CEP85L: variants seen among roughly 807,000 people sequenced by gnomAD.
CEP85L encodes the protein centrosomal protein of 85 kDa-like.
A neutral mutation model predicts 100.3 loss-of-function variants in CEP85L; 60 were observed. The ratio of observed to expected loss-of-function variants is 0.60; its 90% CI spans 0.49 to 0.74. The LOEUF (loss-of-function observed/expected upper bound fraction) is 0.74. Among genes scored for constraint, CEP85L ranks in the 30% least tolerant of loss-of-function variants. The pLI, the probability that CEP85L is intolerant of heterozygous loss-of-function variation, is 0.00. For synonymous variants in CEP85L, 319 were observed against 322.7 expected (o/e 0.99, Z 0.12); for missense variants, 973 against 936.2 (o/e 1.04, Z -0.51).
intron 1 of CEP85L, among the ~76,000 whole-genome samples, chr6:118,673,218 A>G (rs1044873727): frequency 2.0e-5 from 3 of 152,250 alleles, no homozygotes; most frequent in African/African-American, 7.2e-5. Flanking sequence ...AAAAGCAAAG[A>G]ATAATCAATA....
intron 3 of CEP85L, among the ~76,000 whole-genome samples, chr6:118,556,450 A>G (rs1778881918): frequency 6.6e-6 from 1 of 152,178 alleles, no homozygotes; most frequent in Non-Finnish European, 1.5e-5. Flanking sequence ...AATAGACCCA[A>G]GTTGAACACT....
intron 2 of CEP85L, among the ~76,000 whole-genome samples, chr6:118,592,320 C>G (rs1484832763): frequency 6.8e-6 from 1 of 148,050 alleles, no homozygotes; most frequent in South Asian, 2.1e-4. Flanking sequence ...ACATTAACAT[C>G]CTCTAGGTCT....
intron 2 of CEP85L, among the ~76,000 whole-genome samples, chr6:118,566,955 G>T (rs77149726): frequency 2.7e-3 from 408 of 152,070 alleles, no homozygotes; most frequent in African/African-American, 9.5e-3. Context: ...TTACTGAGAG[G>T]TGTTATTCAT....
chr6:118,661,188 G>T (rs1370934264), intron 1 of CEP85L, among the ~76,000 whole-genome samples: 6 of 151,946 alleles, frequency 3.9e-5, no homozygotes, highest in Non-Finnish European at 8.8e-5. Context: ...CCCAGCCAAG[G>T]TGTCAGAATT....
rs549488011 is a variant in CEP85L at position 118,487,131 on chromosome 6, A to G, written c.1438-3273T>C. On this transcript the variant is annotated intron_variant, in intron 6 of 12. Coordinates refer to ENST00000368491, the MANE Select transcript of CEP85L (RefSeq NM_001042475.3). ...AGGGAAAAATATTAAGCTAGATTTG[A>G]GCAAATAAATAGGTGACTTGAAAGT... Among the ~76,000 whole-genome samples the G allele has an allele frequency of 3.9e-5, 6 of 152,308 alleles. No individual in the cohort carries two copies. In the East Asian group the frequency reaches 1.2e-3, roughly 29 times the overall value.
At chr6:118,539,866 T>C (rs1777810526) in intron 3 of CEP85L, among the ~76,000 whole-genome samples, 2 of 152,208 alleles carry the variant, frequency 1.3e-5, no homozygotes, top group South Asian at 4.1e-4. Context: ...ATTACTTTTT[T>C]CTTTTCTATC....
intron 2 of CEP85L, among the ~76,000 whole-genome samples, chr6:118,609,403 T>C (rs940307975): frequency 2.0e-5 from 3 of 152,226 alleles, no homozygotes; most frequent in African/African-American, 7.2e-5. Context: ...TGTAAATGTG[T>C]ATTTATTACC....
chr6:118,539,243 T>C (rs1422325519), intron 3 of CEP85L, among the ~76,000 whole-genome samples: 1 of 152,240 alleles, frequency 6.6e-6, no homozygotes, highest in Non-Finnish European at 1.5e-5. Context: ...ACCCTTAAGA[T>C]TATACCTCAT....
At chr6:118,529,987 G>C (rs1425402977) in intron 3 of CEP85L, among the ~76,000 whole-genome samples, 1 of 152,030 alleles carries the variant, frequency 6.6e-6, no homozygotes, top group Non-Finnish European at 1.5e-5. Flanking sequence ...AATAGATGCA[G>C]AGTGACAGTA....
chr6:118,538,534 T>C (rs1380458246), intron 3 of CEP85L, among the ~76,000 whole-genome samples: 1 of 152,040 alleles, frequency 6.6e-6, no homozygotes, highest in Non-Finnish European at 1.5e-5. Context: ...GAAAAATTTT[T>C]CCTCTTAAAA....
chr6:118,568,475 C>A (rs1011463985), intron 2 of CEP85L, among the ~76,000 whole-genome samples: 1 of 152,116 alleles, frequency 6.6e-6, no homozygotes, highest in Non-Finnish European at 1.5e-5. Context: ...CATGTATCTA[C>A]AGTATGGAGT....
At chr6:118,558,391 C>A (rs1430857991) in intron 3 of CEP85L, among the ~76,000 whole-genome samples, 1 of 151,996 alleles carries the variant, frequency 6.6e-6, no homozygotes, top group Non-Finnish European at 1.5e-5. Context: ...GAACTTAACT[C>A]TTGTTTACAT....
intron 1 of CEP85L, among the ~76,000 whole-genome samples, chr6:118,658,092 T>G (rs1775858978): frequency 6.6e-6 from 1 of 152,164 alleles, no homozygotes; most frequent in South Asian, 2.1e-4. Context: ...TGAGCTAATT[T>G]AAGGAGTGGA....
chr6:118,508,156 G>A (rs988561928), intron 5 of CEP85L, among the ~76,000 whole-genome samples: 6 of 152,070 alleles, frequency 3.9e-5, no homozygotes, highest in Non-Finnish European at 8.8e-5. Flanking sequence ...TTTTGTTGAG[G>A]AGGCTCATTT....
In CEP85L at chr6:118,542,227, ACACAAAAATGCC is replaced by A. The variant is rs1475072149; in HGVS notation, c.1021-18319_1021-18308del. ...GTAACATATATTTTTAATAAACAGC[ACACAAAAATGCC>A]CAAGCATATTTAAAATTATTCTCCA... is the stretch of plus-strand genomic sequence containing the variant. On this transcript the variant is annotated intron_variant, in intron 3 of 12. Coordinates refer to ENST00000368491, the MANE Select transcript of CEP85L (RefSeq NM_001042475.3). 2.6e-5 allele frequency among the ~76,000 whole-genome samples: 4 copies of A among 152,324 alleles called. No individual in the cohort carries two copies. The East Asian group carries it at 7.7e-4, about 29-fold the overall frequency.
In CEP85L at chr6:118,559,495, T is replaced by C. The variant is rs117280667; in HGVS notation, c.1020+6034A>G. Reference sequence around the variant, plus strand: ...TACAATGTAAAAGCTTCTTTAATACTAAGTATTTTTCAGGTCTTCACCAAG... The same window carrying C: ...TACAATGTAAAAGCTTCTTTAATACCAAGTATTTTTCAGGTCTTCACCAAG... On this transcript the variant is annotated intron_variant, in intron 3 of 12. Transcript: ENST00000368491. 100 of 219,502 alleles carry C rather than the reference T, an allele frequency of 4.6e-4. 2 individuals are homozygous for C. In the East Asian group the frequency reaches 0.012, roughly 26 times the overall value. The allele number at this position is 219,502 out of a possible 1,614,324, so 13.6% of individuals were successfully genotyped here.
At chr6:118,525,600 C>T (rs1030270863) in intron 3 of CEP85L, among the ~76,000 whole-genome samples, 3 of 152,164 alleles carry the variant, frequency 2.0e-5, no homozygotes, top group Non-Finnish European at 4.4e-5. Context: ...ATCTACAAGA[C>T]AAGGAAAGCC....
chr6:118,557,912 A>G (rs925245343), intron 3 of CEP85L, among the ~76,000 whole-genome samples: 5 of 151,334 alleles, frequency 3.3e-5, no homozygotes, highest in African/African-American at 1.2e-4. Flanking sequence ...ATAGACCACC[A>G]CAACCACTGT....
At chr6:118,570,381 C>T (rs55697388) in intron 2 of CEP85L, among the ~76,000 whole-genome samples, 24,934 of 152,144 alleles carry the variant, frequency 0.16, 2,170 homozygotes, top group Non-Finnish European at 0.19. Flanking sequence ...GCGGAATCCT[C>T]TAAGACCCAG....
Sources: gnomAD v4.1 joint callset for allele counts (sites outside exome capture counted in the v4.1 genomes callset) on GRCh38, gnomAD v4.1.1 for gene constraint, MANE v1.5 for transcripts, NCBI Gene and HGNC (gene_info 2026-07-23, HGNC 2026-07-21) for gene names.